Variants in SYN2 observed in about 807,000 individuals in gnomAD.
SYN2 encodes the protein synapsin-2.
Under a neutral mutation model 50.9 loss-of-function variants are expected in SYN2, and 19 were observed. The ratio of observed to expected loss-of-function variants is 0.37; its 90% CI spans 0.26 to 0.55. The LOEUF (loss-of-function observed/expected upper bound fraction) is 0.55, where lower values mean the gene tolerates loss of function less well. Ranked by LOEUF, SYN2 falls within the 20% of genes least tolerant of loss-of-function variation. SYN2 has a pLI of 0.81. For synonymous variants in SYN2, 255 were observed against 224.9 expected (o/e 1.13, Z -1.20); for missense variants, 587 against 576.4 (o/e 1.02, Z -0.19).
chr3:12,100,712 A>G (rs1350807310), intron 1 of SYN2, among the ~76,000 whole-genome samples: 1 of 152,196 alleles, frequency 6.6e-6, no homozygotes, highest in African/African-American at 2.4e-5. Context: ...ATATTTGCAA[A>G]TCATATATCT....
At chr3:12,175,584 C>T (rs114906662) in intron 10 of SYN2, among the ~76,000 whole-genome samples, 268 of 152,374 alleles carry the variant, frequency 1.8e-3, no homozygotes, top group African/African-American at 6.0e-3. Context: ...CAGGACAGAC[C>T]TGTGGCTAGC....
chr3:12,036,146 C>T (rs968967176), intron 1 of SYN2, among the ~76,000 whole-genome samples: 3 of 152,130 alleles, frequency 2.0e-5, no homozygotes, highest in Non-Finnish European at 4.4e-5. Flanking sequence ...AGAGGGGTAC[C>T]TGCTCCATCT....
intron 1 of SYN2, among the ~76,000 whole-genome samples, chr3:12,069,362 C>T (rs773113030): frequency 2.1e-4 from 32 of 152,078 alleles, no homozygotes; most frequent in Non-Finnish European, 4.4e-4. Context: ...TGTTCTCCTG[C>T]CTCAGCCTCC....
In SYN2 at chr3:12,073,527, C is replaced by T. The variant is rs74852119; in HGVS notation, c.378-67124C>T. Among the ~76,000 whole-genome samples the T allele has an allele frequency of 5.0e-3, 763 of 152,272 alleles. 15 individuals are homozygous for T. The highest frequency in any genetic ancestry group is 0.017 in the African/African-American group (723 of 41,542). ...GTTTTGTTGCTGCAATTTCTTCTTC[C>T]ATTCTCTTCATCCTTGTGGGTTTAT... On this transcript the variant is annotated intron_variant, in intron 1 of 12. Transcript: ENST00000621198.
chr3:12,170,027 G>A, intron 10 of SYN2, 121 bp downstream of exon 10: 4 of 1,246,974 alleles, frequency 3.2e-6, no homozygotes, highest in Non-Finnish European at 2.1e-6. Flanking sequence ...TGGGATCTAA[G>A]GAGACATCTC....
chr3:12,009,256 T>A (rs1693867326), intron 1 of SYN2, among the ~76,000 whole-genome samples: 2 of 152,140 alleles, frequency 1.3e-5, no homozygotes, highest in South Asian at 4.1e-4. Flanking sequence ...CGAGAGGGGA[T>A]GTGGCTTGTT....
chr3:12,157,167 C>T (rs1176215469), intron 5 of SYN2, among the ~76,000 whole-genome samples: 1 of 152,164 alleles, frequency 6.6e-6, no homozygotes, highest in Non-Finnish European at 1.5e-5. Context: ...GCACCATACA[C>T]CAGCAGCTGT....
chr3:12,101,911 T>C lies in SYN2; in HGVS notation c.378-38740T>C, dbSNP rs1055699520. ...CCAGTTGCCTGGGGGATACAGGGAT[T>C]AGTCAGACACAGTCTCTGCAATTTA... On this transcript the variant is annotated intron_variant, in intron 1 of 12. Coordinates refer to ENST00000621198, the MANE Select transcript of SYN2 (RefSeq NM_133625.6). Among the ~76,000 whole-genome samples the C allele has an allele frequency of 1.3e-5, 2 of 152,146 alleles. 1 individual carries two copies. Among genetic ancestry groups the C allele is most frequent in the African/African-American group, 4.8e-5 (2 of 41,442 alleles).
chr3:12,126,824 A>G (rs1696680600), intron 1 of SYN2, among the ~76,000 whole-genome samples: 1 of 152,208 alleles, frequency 6.6e-6, no homozygotes, highest in Non-Finnish European at 1.5e-5. Context: ...ATATTAGTTG[A>G]TATTAATTTC....
chr3:12,088,137 G>A (rs182556886), intron 1 of SYN2, among the ~76,000 whole-genome samples: 43 of 152,192 alleles, frequency 2.8e-4, no homozygotes, highest in African/African-American at 1.0e-3. Flanking sequence ...CCACGGATTG[G>A]GAGAAAATAT....
At chr3:12,168,907 C>G (rs1349215508) in intron 9 of SYN2, among the ~76,000 whole-genome samples, 1 of 152,158 alleles carries the variant, frequency 6.6e-6, no homozygotes, top group Non-Finnish European at 1.5e-5. Flanking sequence ...GCCTGGTCCT[C>G]TAACACAACT....
intron 1 of SYN2, among the ~76,000 whole-genome samples, chr3:12,033,268 C>T (rs1211989276): frequency 1.3e-5 from 2 of 152,134 alleles, no homozygotes; most frequent in Admixed American, 6.5e-5. Context: ...GCTGGGAGAA[C>T]CACTGCTCTC....
intron 1 of SYN2, among the ~76,000 whole-genome samples, chr3:12,104,394 G>A (rs907765373): frequency 6.6e-6 from 1 of 151,936 alleles, no homozygotes; most frequent in Admixed American, 6.6e-5. Context: ...TTTGCTAGAT[G>A]TCAGTACATT....
intron 11 of SYN2, chr3:12,185,634 AGAACC>A: frequency 1.0e-6 from 1 of 985,888 alleles, no homozygotes; most frequent in South Asian, 4.7e-5. Context: ...TCCAACTGGG[AGAACC>A]TCAGCCAATG....
chr3:12,138,730 C>CT (rs1395078373), intron 1 of SYN2, among the ~76,000 whole-genome samples: 1 of 152,206 alleles, frequency 6.6e-6, no homozygotes, highest in Non-Finnish European at 1.5e-5. Flanking sequence ...GTTAATGTCT[C>CT]TGAGATTTAC....
intron 1 of SYN2, chr3:12,070,340 G>C: frequency 2.0e-6 from 1 of 505,632 alleles, no homozygotes; most frequent in Non-Finnish European, 4.0e-6. Flanking sequence ...AGGCGCCCCT[G>C]GCACCAGGGC....
At chr3:12,172,122 G>A (rs1023169114) in intron 10 of SYN2, among the ~76,000 whole-genome samples, 3 of 152,144 alleles carry the variant, frequency 2.0e-5, no homozygotes, top group Non-Finnish European at 2.9e-5. Context: ...TGCATACCAT[G>A]CTGGGAGTCA....
chr3:12,152,406 T>A (rs918418369), intron 5 of SYN2, among the ~76,000 whole-genome samples: 1 of 152,200 alleles, frequency 6.6e-6, no homozygotes, highest in Admixed American at 6.5e-5. Flanking sequence ...GCCCTGAGGG[T>A]CCTTTGGTTG....
rs184169287 is a variant in SYN2 at position 12,089,323 on chromosome 3, A to C, written c.378-51328A>C. 6.7e-3 allele frequency among the ~76,000 whole-genome samples: 1,018 copies of C among 152,262 alleles called. 7 individuals are homozygous for C. The highest frequency in any genetic ancestry group is 0.023 in the African/African-American group (970 of 41,554). ...TTGTATAGGGGAACTCCCATATATA[A>C]AACCATCAGATCTCATGAGACTTAT... On this transcript the variant is annotated intron_variant, in intron 1 of 12. Transcript: ENST00000621198.
Sources: gnomAD v4.1 joint callset for allele counts (sites outside exome capture counted in the v4.1 genomes callset) on GRCh38, gnomAD v4.1.1 for gene constraint, MANE v1.5 for transcripts, NCBI Gene and HGNC (gene_info 2026-07-23, HGNC 2026-07-21) for gene names.